Variants in DOCK10 observed in about 807,000 individuals in gnomAD.
The protein encoded by DOCK10 is dedicator of cytokinesis 10.
A neutral mutation model predicts 280.1 loss-of-function variants in DOCK10; 145 were observed. The ratio of observed to expected loss-of-function variants is 0.52; its 90% CI spans 0.45 to 0.59. The LOEUF (loss-of-function observed/expected upper bound fraction) is 0.59, where lower values mean the gene tolerates loss of function less well. Ranked by LOEUF, DOCK10 falls within the 20% of genes least tolerant of loss-of-function variation. The pLI is 0.00. For synonymous variants in DOCK10, 915 were observed against 942.2 expected (o/e 0.97, Z 0.53); for missense variants, 2,368 against 2,651.7 (o/e 0.89, Z 2.35).
chr2:224,823,497 G>T lies in DOCK10; in HGVS notation c.3183+4C>A. ...AATAGAACTGCGATCTCATATAACT[G>T]TACCTTGAGAAATCTGGCAACGCTG... On this transcript the variant is annotated splice_donor_region_variant and intron_variant, in intron 28 of 55. Transcript: ENST00000258390. The T allele has an allele frequency of 6.3e-7, 1 of 1,592,944 alleles. No individual in the cohort carries two copies. Among genetic ancestry groups the T allele is most frequent in the Non-Finnish European group, 8.5e-7 (1 of 1,173,352 alleles).
intron 27 of DOCK10, among the ~76,000 whole-genome samples, chr2:224,828,345 C>T (rs371078274): frequency 9.9e-4 from 151 of 152,182 alleles, no homozygotes; most frequent in African/African-American, 3.4e-3. Context: ...TAAGGACTCA[C>T]GGGATGAGCA....
intron 1 of DOCK10, among the ~76,000 whole-genome samples, chr2:225,004,753 A>G (rs1706525187): frequency 6.6e-6 from 1 of 152,124 alleles, no homozygotes; most frequent in Non-Finnish European, 1.5e-5. Flanking sequence ...TGCTGATGCA[A>G]TTTCAGAGCA....
intron 19 of DOCK10, among the ~76,000 whole-genome samples, chr2:224,846,755 G>A (rs1473643572): frequency 6.6e-6 from 1 of 151,928 alleles, no homozygotes; most frequent in Non-Finnish European, 1.5e-5. Context: ...TCGGCCTCCC[G>A]AAGTGCTGGG....
chr2:224,891,914 G>A (rs925847266), intron 4 of DOCK10, among the ~76,000 whole-genome samples: 2 of 152,050 alleles, frequency 1.3e-5, no homozygotes, highest in Non-Finnish European at 2.9e-5. Flanking sequence ...AATTCTTGGG[G>A]GCCATTCTCC....
chr2:224,865,306 A>G (rs1477900158), intron 11 of DOCK10, among the ~76,000 whole-genome samples: 5 of 152,178 alleles, frequency 3.3e-5, no homozygotes, highest in Non-Finnish European at 7.3e-5. Context: ...CTCTCTTCTT[A>G]TGTTGCATTT....
At chr2:224,812,159 CA>C (rs1288737352) in intron 31 of DOCK10, among the ~76,000 whole-genome samples, 1 of 152,176 alleles carries the variant, frequency 6.6e-6, no homozygotes, top group Non-Finnish European at 1.5e-5. Flanking sequence ...TCTTTTATTT[CA>C]CTGAGCAGTG....
chr2:224,957,890 A>G (rs538007416), intron 1 of DOCK10, among the ~76,000 whole-genome samples: 2 of 152,210 alleles, frequency 1.3e-5, no homozygotes, highest in Non-Finnish European at 2.9e-5. Flanking sequence ...ATATTATCTC[A>G]GAAGAGGCAA....
intron 1 of DOCK10, 99 bp from the exon 2 acceptor site, chr2:224,931,767 A>G: frequency 7.6e-7 from 1 of 1,318,394 alleles, no homozygotes; most frequent in Non-Finnish European, 1.0e-6. Context: ...TGAGGCTTTA[A>G]CACTGCACAA....
intron 1 of DOCK10, among the ~76,000 whole-genome samples, chr2:225,016,552 C>CT (rs1444454877): frequency 2.0e-4 from 28 of 139,606 alleles, no homozygotes; most frequent in African/African-American, 7.5e-4. Flanking sequence ...TCTATATGCA[C>CT]ATAGATACAT....
intron 19 of DOCK10, among the ~76,000 whole-genome samples, chr2:224,846,637 C>T (rs2125504844): frequency 6.6e-6 from 1 of 151,986 alleles, no homozygotes; most frequent in African/African-American, 2.4e-5. Flanking sequence ...GCTGGGACTA[C>T]AGGAGCACGC....
intron 55 of DOCK10, among the ~76,000 whole-genome samples, chr2:224,768,528 T>C (rs971200159): frequency 9.2e-5 from 14 of 152,198 alleles, no homozygotes; most frequent in Non-Finnish European, 7.3e-5. Context: ...AAAGAGATGA[T>C]TTTTCTCTCC....
At chr2:225,029,730 A>G (rs1003004435) in intron 1 of DOCK10, among the ~76,000 whole-genome samples, 50 of 152,228 alleles carry the variant, frequency 3.3e-4, no homozygotes, top group African/African-American at 1.2e-3. Context: ...AATGCTTCAA[A>G]TAAATATAGC....
At chr2:224,781,067 G>C (rs867952380) in intron 50 of DOCK10, among the ~76,000 whole-genome samples, 1 of 152,252 alleles carries the variant, frequency 6.6e-6, no homozygotes, top group South Asian at 2.1e-4. Context: ...TAGCTATGTT[G>C]AGGATGGTAA....
In DOCK10 at chr2:224,864,903, T is replaced by C. The variant is rs761543373; in HGVS notation, c.1442A>G (p.Lys481Arg). 5.6e-6 allele frequency: 9 copies of C among 1,613,912 alleles called. No homozygotes were observed. The East Asian group carries it at 6.7e-5, about 12-fold the overall frequency. ...TPRQSEEPHI[K>R]GLPEEWLKFP... ...TTTTAGCCATTCCTCTGGAAGTCCC[T>C]TGATGTGAGGTTCTTCTGATTGTCT... Residue 481 changes from lysine to arginine, a missense_variant, in exon 12 of 56, where the codon AAG becomes AGG. Transcript: ENST00000258390.
At position 224,878,657 on chromosome 2, in the gene DOCK10, G is replaced by T. The variant is rs148750240; in HGVS notation, c.748-2436C>A. Among the ~76,000 whole-genome samples the T allele has an allele frequency of 2.0e-5, 3 of 152,374 alleles. No homozygotes were observed. In the East Asian group the frequency reaches 5.8e-4, roughly 29 times the overall value. ...TAAAGTTCAGGAACCAAAGGAGAAA[G>T]AATTGGCTAAAATGCTAACTATGGT... On this transcript the variant is annotated intron_variant, in intron 7 of 55. Transcript: ENST00000258390.
Position 225,018,532 on chromosome 2 carries a change from A to AAGGTGGAGAGGTTCC in DOCK10, c.123+23719_123+23720insGGAACCTCTCCACCT, listed in dbSNP as rs1559965806. On this transcript the variant is annotated intron_variant, in intron 1 of 55. Transcript: ENST00000258390. ...GTAATATTATATATATATAATATAT[A>AAGGTGGAGAGGTTCC]TGTAATATTATATATATATAATATA... Among the ~76,000 whole-genome samples the AAGGTGGAGAGGTTCC allele has an allele frequency of 1.7e-3, 62 of 36,450 alleles. 1 individual carries two copies. The highest frequency in any genetic ancestry group is 2.1e-3 in the South Asian group (2 of 952). 23.9% of individuals were successfully genotyped at this position (36,450 alleles called of 152,430 possible). A position where few individuals can be genotyped will look rare whatever the true frequency, so the allele number is the denominator to read the frequency against.
At chr2:224,866,863 T>C (rs374378939) in intron 11 of DOCK10, among the ~76,000 whole-genome samples, 2 of 152,176 alleles carry the variant, frequency 1.3e-5, no homozygotes, top group East Asian at 3.8e-4. Flanking sequence ...GGTATATTTT[T>C]GGCAAGTCTC....
At position 224,844,713 on chromosome 2, in the gene DOCK10, A is replaced by C. The variant is rs140959530; in HGVS notation, c.2568+40T>G. The C allele has an allele frequency of 5.5e-3, 6,784 of 1,242,026 alleles. 28 individuals carry two copies. The highest frequency in any genetic ancestry group is 6.9e-3 in the Non-Finnish European group (5,978 of 861,098). 76.9% of individuals were successfully genotyped at this position (1,242,026 alleles called of 1,614,324 possible). A position where few individuals can be genotyped will look rare whatever the true frequency, so the allele number is the denominator to read the frequency against. ...AGGGGAATTACCTCATGATGCTGTG[A>C]GTTAGAGAAGATGCTAGTATTTCAG... On this transcript the variant is annotated intron_variant, in intron 22 of 55. Coordinates refer to ENST00000258390, the MANE Select transcript of DOCK10 (RefSeq NM_014689.3).
chr2:224,934,426 T>C (rs1281694450), intron 1 of DOCK10, among the ~76,000 whole-genome samples: 1 of 152,188 alleles, frequency 6.6e-6, no homozygotes, highest in Non-Finnish European at 1.5e-5. Context: ...ATTCAAGATA[T>C]CCAATGCATC....
Sources: gnomAD v4.1 joint callset for allele counts (sites outside exome capture counted in the v4.1 genomes callset) on GRCh38, gnomAD v4.1.1 for gene constraint, MANE v1.5 for transcripts, NCBI Gene and HGNC (gene_info 2026-07-23, HGNC 2026-07-21) for gene names.